Variants in PCBP3 observed in about 807,000 individuals in gnomAD.
PCBP3 encodes the protein poly(rC) binding protein 3, also known as poly(rC)-binding protein 3.
A neutral mutation model predicts 52.7 loss-of-function variants in PCBP3; 25 were observed. The ratio of observed to expected loss-of-function variants is 0.47; its 90% CI spans 0.35 to 0.66. PCBP3 has a LOEUF of 0.66. Among genes scored for constraint, PCBP3 ranks in the 30% least tolerant of loss-of-function variants. PCBP3 has a pLI of 0.01. For missense variants in PCBP3, 391 were observed against 490.3 expected, an observed-to-expected ratio of 0.80 and a Z score of 1.91; for synonymous variants, 162 against 183.0, an observed-to-expected ratio of 0.89 and a Z score of 0.93.
chr21:45,862,189 GT>G (rs79764664), intron 5 of PCBP3, among the ~76,000 whole-genome samples: 84,253 of 136,534 alleles, frequency 0.62, 25,640 homozygotes, highest in East Asian at 0.79. Context: ...ATTGGGGCGG[GT>G]GGGGGGACAC....
intron 1 of PCBP3, among the ~76,000 whole-genome samples, chr21:45,658,369 T>C (rs1468960536): frequency 6.6e-6 from 1 of 152,166 alleles, no homozygotes; most frequent in African/African-American, 2.4e-5. Context: ...AGAGGTGCGA[T>C]CTCAGCTCAC....
chr21:45,709,020 G>A (rs1056271138), intron 2 of PCBP3, among the ~76,000 whole-genome samples: 11 of 152,228 alleles, frequency 7.2e-5, no homozygotes, highest in Admixed American at 2.0e-4. Flanking sequence ...GCTTGCTAGC[G>A]GCAGAACTTT....
chr21:45,914,089 C>G, intron 12 of PCBP3, 64 bp downstream of exon 12: 1 of 1,611,214 alleles, frequency 6.2e-7, no homozygotes, highest in Non-Finnish European at 8.5e-7. Context: ...GCACCCGCCG[C>G]TGCCCGTTAG....
intron 16 of PCBP3, among the ~76,000 whole-genome samples, chr21:45,938,607 C>T (rs913712559): frequency 2.7e-5 from 4 of 148,744 alleles, no homozygotes; most frequent in East Asian, 2.0e-4. Flanking sequence ...GGCTGGACTG[C>T]GGGTGGGGCC....
At chr21:45,895,795 G>A (rs9975891) in intron 5 of PCBP3, among the ~76,000 whole-genome samples, 8,516 of 152,350 alleles carry the variant, frequency 0.056, 279 homozygotes, top group Non-Finnish European at 0.079. Context: ...CTGGCACCCC[G>A]TGACTGTGTG....
Position 45,917,969 on chromosome 21 carries a change from A to C in PCBP3, c.717+340A>C, listed in dbSNP as rs1198561188. The C allele has an allele frequency of 2.9e-6, 1 of 343,376 alleles. No homozygotes were observed. 21.3% of individuals were successfully genotyped at this position (343,376 alleles called of 1,614,324 possible). Reference sequence around the variant, plus strand: ...TGCTCACCCGCCACAGGCAGGCGTCAGTGATACTTTCTCTGCGCCTAAGAA... The same window carrying C: ...TGCTCACCCGCCACAGGCAGGCGTCCGTGATACTTTCTCTGCGCCTAAGAA... On this transcript the variant is annotated intron_variant, in intron 13 of 17. Coordinates refer to ENST00000681687, the MANE Select transcript of PCBP3 (RefSeq NM_001384156.1). The surrounding 1 kb of genome is among the most constrained non-coding windows in gnomAD (Gnocchi z 5.3).
chr21:45,646,771 G>C (rs901159421), intron 1 of PCBP3, among the ~76,000 whole-genome samples: 3 of 152,160 alleles, frequency 2.0e-5, no homozygotes, highest in African/African-American at 7.2e-5. Flanking sequence ...TTACAATATA[G>C]ACATACATCT....
intron 5 of PCBP3, among the ~76,000 whole-genome samples, chr21:45,892,762 C>T (rs2095709846): frequency 6.6e-6 from 1 of 152,214 alleles, no homozygotes; most frequent in Non-Finnish European, 1.5e-5. Context: ...GTCCCCACCC[C>T]CAGGCCCCAA....
At chr21:45,707,654 C>G (rs180871731) in intron 2 of PCBP3, among the ~76,000 whole-genome samples, 3 of 152,318 alleles carry the variant, frequency 2.0e-5, no homozygotes, top group Admixed American at 2.0e-4. Context: ...TGCATGTGAT[C>G]CTTGACTGAG....
At chr21:45,769,940 A>G (rs1200995150) in intron 4 of PCBP3, among the ~76,000 whole-genome samples, 8 of 152,220 alleles carry the variant, frequency 5.3e-5, no homozygotes, top group African/African-American at 1.9e-4. Context: ...GGGAAGACAA[A>G]ATGGAAGAAG....
chr21:45,922,506 G>C (rs1174127200), intron 13 of PCBP3, among the ~76,000 whole-genome samples: 2 of 152,178 alleles, frequency 1.3e-5, no homozygotes, highest in Non-Finnish European at 2.9e-5. Context: ...AGTGAGCAGA[G>C]ATTGCACCAC....
intron 13 of PCBP3, among the ~76,000 whole-genome samples, chr21:45,925,042 G>A (rs75265172): frequency 0.047 from 1,478 of 31,302 alleles, no homozygotes; most frequent in Admixed American, 0.11. Flanking sequence ...AGTCGAGTGG[G>A]TAGAAACAGC....
At position 45,724,340 on chromosome 21, in the gene PCBP3, T is replaced by C. The variant is rs979532751; in HGVS notation, c.-199-11052T>C. 6.6e-6 allele frequency among the ~76,000 whole-genome samples: 1 copy of C among 151,482 alleles called. No homozygotes were observed. The highest frequency in any genetic ancestry group is 2.4e-5 in the African/African-American group (1 of 41,276). Reference sequence around the variant, plus strand: ...CCGGTGTTACCCTGAGTTATGAGAATGCAGTCTTTGGAAGTGGTGGGCTAA... The same window carrying C: ...CCGGTGTTACCCTGAGTTATGAGAACGCAGTCTTTGGAAGTGGTGGGCTAA... On this transcript the variant is annotated intron_variant, in intron 2 of 17. Transcript: ENST00000681687. This position sits in a 1 kb window ranked among gnomAD's most constrained non-coding sequence, Gnocchi z 5.3.
At chr21:45,859,813 CAGAG>C (rs2094445044) in intron 5 of PCBP3, 1 of 152,360 alleles carries the variant, frequency 6.6e-6, no homozygotes, top group Admixed American at 6.5e-5. Context: ...ACCCGGGTCA[CAGAG>C]AGACATGTCA....
At chr21:45,785,942 G>C (rs1019629141) in intron 4 of PCBP3, among the ~76,000 whole-genome samples, 10 of 149,848 alleles carry the variant, frequency 6.7e-5, no homozygotes, top group African/African-American at 1.7e-4. Context: ...CAGCATGCTC[G>C]TTAAGAGTCA....
intron 15 of PCBP3, among the ~76,000 whole-genome samples, chr21:45,933,030 A>G (rs1476857892): frequency 6.6e-6 from 1 of 151,302 alleles, no homozygotes; most frequent in Admixed American, 6.6e-5. Flanking sequence ...GAGATGAATG[A>G]ACACATCAGC....
rs2093752803 is a variant in PCBP3 at position 45,844,000 on chromosome 21, G to A, written c.-125-5961G>A. Among the ~76,000 whole-genome samples, 4 of 152,128 alleles carry A rather than the reference G, an allele frequency of 2.6e-5. No individual in the cohort carries two copies. The South Asian group carries it at 6.2e-4, about 24-fold the overall frequency. Reference sequence around the variant, plus strand: ...CATCTCCCACCAGTTGGGCGATTTGGGGCCTGTGACCTCTGACCTCACTGC... The same window carrying A: ...CATCTCCCACCAGTTGGGCGATTTGAGGCCTGTGACCTCTGACCTCACTGC... On this transcript the variant is annotated intron_variant, in intron 4 of 17. Coordinates refer to ENST00000681687, the MANE Select transcript of PCBP3 (RefSeq NM_001384156.1).
intron 2 of PCBP3, among the ~76,000 whole-genome samples, chr21:45,688,823 T>C (rs9306139): frequency 0.18 from 27,457 of 151,560 alleles, 2,642 homozygotes; most frequent in Middle Eastern, 0.33. Context: ...GATGCAATAT[T>C]TTATATCACT....
At chr21:45,784,400 ACCTCTAC>A in intron 4 of PCBP3, among the ~76,000 whole-genome samples, 1 of 139,992 alleles carries the variant, frequency 7.1e-6, no homozygotes, top group East Asian at 2.0e-4. Flanking sequence ...CTCTACCGCT[ACCTCTAC>A]CGCTACCGCT....
Sources: allele counts gnomAD v4.1 joint callset (sites outside exome capture counted in the v4.1 genomes callset), GRCh38; gene constraint gnomAD v4.1.1; non-coding constraint Gnocchi (gnomAD v3.1); transcripts MANE v1.5; gene names NCBI Gene and HGNC (gene_info 2026-07-23, HGNC 2026-07-21).